Variants in PITPNM2 observed in about 807,000 individuals in gnomAD.
PITPNM2 encodes membrane-associated phosphatidylinositol transfer protein 2.
A neutral mutation model predicts 132.2 loss-of-function variants in PITPNM2; 35 were observed. The observed-to-expected ratio is 0.26, with a 90% CI of 0.20 to 0.35. PITPNM2 has a LOEUF of 0.35. PITPNM2 is among the 10% of genes least tolerant of loss of function. The pLI, the probability that PITPNM2 is intolerant of heterozygous loss-of-function variation, is 1.00. For missense variants in PITPNM2, 1,332 were observed against 1,912.0 expected, an observed-to-expected ratio of 0.70 and a Z score of 5.66; for synonymous variants, 738 against 799.2, an observed-to-expected ratio of 0.92 and a Z score of 1.29.
rs747011029 is a variant in PITPNM2 at position 122,983,520 on chromosome 12, G to A, written c.*2507C>T. The A allele has an allele frequency of 2.6e-5, 4 of 152,674 alleles. No individual in the cohort carries two copies. The highest frequency in any genetic ancestry group is 1.3e-4 in the Admixed American group (2 of 15,274). 9.5% of individuals were successfully genotyped at this position (152,674 alleles called of 1,614,324 possible). On this transcript the variant is annotated 3_prime_UTR_variant, in exon 26 of 26. Coordinates refer to ENST00000320201, the MANE Select transcript of PITPNM2 (RefSeq NM_020845.3). ...CTTTAATTGGTGTAACAGACATGACGTTGTATACAGAGCACACTCAGGCCC... is the reference window on the plus strand; with the variant it reads ...CTTTAATTGGTGTAACAGACATGACATTGTATACAGAGCACACTCAGGCCC...
At chr12:122,989,463 G>A (rs1336232332) in intron 18 of PITPNM2, among the ~76,000 whole-genome samples, 4 of 152,274 alleles carry the variant, frequency 2.6e-5, no homozygotes, top group East Asian at 3.9e-4. Context: ...AGCTTGTAAA[G>A]TGCCCCCTGG....
At chr12:123,049,438 C>T (rs889955085) in intron 2 of PITPNM2, among the ~76,000 whole-genome samples, 1 of 152,202 alleles carries the variant, frequency 6.6e-6, no homozygotes, top group Non-Finnish European at 1.5e-5. Context: ...GCTCCTCCAT[C>T]GCCACTCTCC....
At position 123,140,990 on chromosome 12, in the gene PITPNM2, A is replaced by T. The variant is rs540142746; in HGVS notation, c.-200+9763T>A. 3.3e-5 allele frequency among the ~76,000 whole-genome samples: 5 copies of T among 152,268 alleles called. No homozygotes were observed. In the East Asian group the frequency reaches 9.6e-4, roughly 29 times the overall value. ...AAAAAAAAAACCCCATACAAACCCA[A>T]ATTGAAAGGTACTTTGTACTGCTTA... On this transcript the variant is annotated intron_variant, in intron 1 of 25. Transcript: ENST00000320201.
intron 3 of PITPNM2, among the ~76,000 whole-genome samples, chr12:123,018,859 C>G (rs1356263137): frequency 6.8e-6 from 1 of 146,180 alleles, no homozygotes; most frequent in Non-Finnish European, 1.5e-5. Flanking sequence ...TCTCAGCTCA[C>G]TGCAACCTCT....
chr12:123,125,400 G>C (rs570404274), intron 1 of PITPNM2, among the ~76,000 whole-genome samples: 48 of 152,300 alleles, frequency 3.2e-4, no homozygotes, highest in African/African-American at 1.1e-3. Context: ...AGCAGACTCA[G>C]TCATATCAAA....
chr12:123,001,219 G>C, intron 8 of PITPNM2, 61 bp from the exon 9 acceptor site: 11 of 1,346,856 alleles, frequency 8.2e-6, no homozygotes, highest in African/African-American at 1.4e-5. Flanking sequence ...CTGGCTTCCC[G>C]AGGTGGGGAC....
intron 2 of PITPNM2, among the ~76,000 whole-genome samples, chr12:123,041,020 G>GGT (rs545904913): frequency 4.5e-4 from 68 of 152,262 alleles, no homozygotes; most frequent in African/African-American, 1.6e-3. Context: ...GCATTTGAGT[G>GGT]GTGTGTGTGT....
chr12:123,096,390 G>A (rs1027465132), intron 2 of PITPNM2, among the ~76,000 whole-genome samples: 4 of 152,278 alleles, frequency 2.6e-5, no homozygotes, highest in East Asian at 1.9e-4. Flanking sequence ...TTTTATTCAC[G>A]GTGAGTTCCT....
intron 16 of PITPNM2, chr12:122,991,884 T>G (rs1462195647): frequency 1.5e-6 from 2 of 1,312,478 alleles, no homozygotes; most frequent in Non-Finnish European, 1.9e-6. Context: ...TCAGGGTTTC[T>G]CTGCACGGTC....
At position 123,061,772 on chromosome 12, in the gene PITPNM2, C is replaced by T. The variant is rs537379003; in HGVS notation, c.-95-27087G>A. Among the ~76,000 whole-genome samples the T allele has an allele frequency of 4.6e-5, 7 of 152,352 alleles. No individual in the cohort carries two copies. The South Asian group carries it at 1.4e-3, about 32-fold the overall frequency. On this transcript the variant is annotated intron_variant, in intron 2 of 25. Transcript: ENST00000320201. Reference sequence around the variant, plus strand: ...TTCTGAAGGTTGTAGGAGAAGGTGGCTGCTAGCAGGGTCCCCAAGAACAGC... The same window carrying T: ...TTCTGAAGGTTGTAGGAGAAGGTGGTTGCTAGCAGGGTCCCCAAGAACAGC...
chr12:123,002,613 T>G (rs2038746354), intron 8 of PITPNM2, among the ~76,000 whole-genome samples: 1 of 152,166 alleles, frequency 6.6e-6, no homozygotes, highest in African/African-American at 2.4e-5. Context: ...AGACGAGGTT[T>G]CACTATGTTA....
At chr12:123,014,108 A>G in intron 3 of PITPNM2, 66 bp from the exon 4 acceptor site, 1 of 1,557,708 alleles carries the variant, frequency 6.4e-7, no homozygotes, top group South Asian at 1.1e-5. Flanking sequence ...GAAGGGGCAC[A>G]GGAGACTGGG....
chr12:123,103,057 G>A lies in PITPNM2; in HGVS notation c.-96+7328C>T, dbSNP rs184705450. ...TCCCACCTCAGCCTCCTGAGTAGCT[G>A]GGACTACAGGTACATACCACCACAC... On this transcript the variant is annotated intron_variant, in intron 2 of 25. Coordinates refer to ENST00000320201, the MANE Select transcript of PITPNM2 (RefSeq NM_020845.3). Among the ~76,000 whole-genome samples, 16 of 151,488 alleles carry A rather than the reference G, an allele frequency of 1.1e-4. No individual in the cohort carries two copies. In the East Asian group the frequency reaches 2.9e-3, roughly 27 times the overall value.
Position 123,004,405 on chromosome 12 carries a change from A to T in PITPNM2, c.1037T>A (p.Phe346Tyr), listed in dbSNP as rs2038831757. ...CGCTGCCTGCCTACCGTGCGCATCG[A>T]AGAACTCATCATCTGAGCTCTCATC... ...DSDESSDDEF[F>Y]DAHEDLSDTE... is the part of the protein sequence containing the mutation. Residue 346 changes from phenylalanine to tyrosine, a missense_variant, in exon 8 of 26, where the codon TTC becomes TAC. Around this residue, in one of 6 missense-constraint regions of PITPNM2, gnomAD observed 710 missense variants for 911.5 expected, o/e 0.78. Transcript: ENST00000320201. The surrounding 1 kb of genome is among the most constrained non-coding windows in gnomAD (Gnocchi z 4.9). 2 of 1,613,768 alleles carry T rather than the reference A, an allele frequency of 1.2e-6. No individual in the cohort carries two copies. The highest frequency in any genetic ancestry group is 1.7e-6 in the Non-Finnish European group (2 of 1,180,008).
chr12:122,990,733 G>GGGA (rs779952929), intron 16 of PITPNM2, 24 bp from the exon 17 acceptor site: 1 of 1,570,134 alleles, frequency 6.4e-7, no homozygotes, highest in Non-Finnish European at 8.7e-7. Flanking sequence ...GGGACCAGAG[G>GGGA]CCAGGTAAGA....
chr12:123,005,856 G>T lies in PITPNM2; in HGVS notation c.644-308C>A. The stretch of plus-strand genomic sequence containing the variant: ...CTCATGCCTGTAATCCCAACACTTT[G>T]GGAGGATTAGGTGGGAGGACAGCTT... On this transcript the variant is annotated intron_variant, in intron 6 of 25. Transcript: ENST00000320201. This position sits in a 1 kb window ranked among gnomAD's most constrained non-coding sequence, Gnocchi z 6.2. 1 of 366,198 alleles carries T rather than the reference G, an allele frequency of 2.7e-6. No individual in the cohort carries two copies. Among genetic ancestry groups the T allele is most frequent in the Non-Finnish European group, 4.9e-6 (1 of 202,438 alleles). 22.7% of individuals were successfully genotyped at this position (366,198 alleles called of 1,614,324 possible).
chr12:123,009,971 C>T lies in PITPNM2; in HGVS notation c.522G>A (p.Glu174=), dbSNP rs1384904050. 3 of 1,614,112 alleles carry T rather than the reference C, an allele frequency of 1.9e-6. No individual in the cohort carries two copies. In the African/African-American group the frequency reaches 4.0e-5, roughly 22 times the overall value. The change falls in exon 6 of 26, where the codon GAG becomes GAA. Residue 174 remains glutamate (E), a synonymous_variant. Transcript: ENST00000320201. This position sits in a 1 kb window ranked among gnomAD's most constrained non-coding sequence, Gnocchi z 4.8. ...GCTTCTTGTACTCCTCGATCCAGTT[C>T]TCGGACAGGGGCCCCCGCTGGGTCT... The part of the protein sequence containing the change: ...STKTQRGPLS[E]NWIEEYKKQV...
intron 1 of PITPNM2, among the ~76,000 whole-genome samples, chr12:123,131,336 C>G (rs1451227899): frequency 6.6e-6 from 1 of 152,244 alleles, no homozygotes; most frequent in Admixed American, 6.5e-5. Flanking sequence ...GTCTTCAAGT[C>G]AAGGAATGCC....
chr12:123,018,163 G>A (rs1157536942), intron 3 of PITPNM2, among the ~76,000 whole-genome samples: 1 of 151,114 alleles, frequency 6.6e-6, no homozygotes, highest in African/African-American at 2.4e-5. Flanking sequence ...TCTAACTCTT[G>A]GGCTCTAGTG....
Sources: gnomAD v4.1 joint callset for allele counts (sites outside exome capture counted in the v4.1 genomes callset) on GRCh38, gnomAD v4.1.1 for gene constraint, gnomAD v4.1.1 regional missense constraint, Gnocchi (gnomAD v3.1) non-coding constraint, MANE v1.5 for transcripts, NCBI Gene and HGNC (gene_info 2026-07-23, HGNC 2026-07-21) for gene names.